The following TTC28 variants were observed in gnomAD, a reference collection of about 807,000 sequenced individuals.
TTC28 encodes tetratricopeptide repeat protein 28.
A neutral mutation model predicts 198.0 loss-of-function variants in TTC28; 61 were observed. The ratio of observed to expected loss-of-function variants is 0.31; its 90% CI spans 0.25 to 0.38. TTC28 has a LOEUF of 0.38. TTC28 is among the 10% of genes least tolerant of loss of function. The pLI is 1.00. For missense variants in TTC28, 2,678 were observed against 3,164.0 expected (o/e 0.85, Z 3.69); for synonymous variants, 1,171 against 1,297.8 (o/e 0.90, Z 2.10).
intron 6 of TTC28, among the ~76,000 whole-genome samples, chr22:28,160,728 A>G (rs2147046771): frequency 6.6e-6 from 1 of 152,358 alleles, no homozygotes. Flanking sequence ...GAGGAGTGGG[A>G]CAAGGGAAGA....
chr22:28,635,111 G>A (rs1271433369), intron 1 of TTC28, among the ~76,000 whole-genome samples: 1 of 152,092 alleles, frequency 6.6e-6, no homozygotes, highest in Non-Finnish European at 1.5e-5. Flanking sequence ...CACGAGGTCA[G>A]GAGATCGAGA....
At chr22:28,551,933 A>C (rs1489169067) in intron 2 of TTC28, among the ~76,000 whole-genome samples, 1 of 152,214 alleles carries the variant, frequency 6.6e-6, no homozygotes, top group Non-Finnish European at 1.5e-5. Flanking sequence ...GGAGGAAGTC[A>C]AACTGTCACT....
In TTC28 at chr22:27,981,936, G is replaced by A. The variant is rs1160483516; in HGVS notation, c.*285C>T. 2 of 350,030 alleles carry A rather than the reference G, an allele frequency of 5.7e-6. No homozygotes were observed. The highest frequency in any genetic ancestry group is 9.0e-5 in the East Asian group (2 of 22,282). 21.7% of individuals were successfully genotyped at this position (350,030 alleles called of 1,614,324 possible). The stretch of plus-strand genomic sequence containing the variant: ...CCTGGTGAAGAATCATATCAAAGAT[G>A]AGAAGCAGGGAGTTCAAAGGTAAAC... On this transcript the variant is annotated 3_prime_UTR_variant, in exon 23 of 23. Coordinates refer to ENST00000397906, the MANE Select transcript of TTC28 (RefSeq NM_001145418.2).
intron 2 of TTC28, among the ~76,000 whole-genome samples, chr22:28,321,945 C>A (rs1191096910): frequency 6.6e-6 from 1 of 152,140 alleles, no homozygotes; most frequent in African/African-American, 2.4e-5. Flanking sequence ...GATTCTCCTG[C>A]CTCAGCTTCC....
chr22:28,129,914 A>G (rs1943018200), intron 6 of TTC28, among the ~76,000 whole-genome samples: 1 of 151,836 alleles, frequency 6.6e-6, no homozygotes, highest in Non-Finnish European at 1.5e-5. Flanking sequence ...TTTCTAACAA[A>G]CTCCCAGGAG....
chr22:28,414,564 G>A, intron 2 of TTC28, among the ~76,000 whole-genome samples: 1 of 152,128 alleles, frequency 6.6e-6, no homozygotes, highest in East Asian at 1.9e-4. Context: ...GAGATGAAGT[G>A]GCAATGTAGA....
intron 5 of TTC28, among the ~76,000 whole-genome samples, chr22:28,244,289 C>T (rs1002773722): frequency 6.6e-6 from 1 of 152,098 alleles, no homozygotes; most frequent in African/African-American, 2.4e-5. Flanking sequence ...GGAGAGCAGC[C>T]ACTGCTTTAA....
intron 2 of TTC28, among the ~76,000 whole-genome samples, chr22:28,322,379 T>G (rs1338802248): frequency 6.6e-6 from 1 of 152,204 alleles, no homozygotes; most frequent in Non-Finnish European, 1.5e-5. Flanking sequence ...AAAGTTTCCC[T>G]GACACGTATT....
intron 2 of TTC28, among the ~76,000 whole-genome samples, chr22:28,360,559 AT>A (rs1047291884): frequency 2.6e-5 from 4 of 152,198 alleles, no homozygotes; most frequent in African/African-American, 9.7e-5. Context: ...GTACAACGGT[AT>A]CCTTCTCACT....
intron 2 of TTC28, among the ~76,000 whole-genome samples, chr22:28,627,639 C>T (rs1217735462): frequency 1.3e-5 from 2 of 151,948 alleles, no homozygotes; most frequent in African/African-American, 4.8e-5. Context: ...ACCACGTTGG[C>T]CAGGCTGGTC....
chr22:27,992,481 G>GTGAGACTGCAT (rs1937451967), intron 19 of TTC28, 106 bp downstream of exon 19: 2 of 1,157,080 alleles, frequency 1.7e-6, no homozygotes, highest in Non-Finnish European at 2.4e-6. Flanking sequence ...CACAAAGGCG[G>GTGAGACTGCAT]TGAGACTGCA....
chr22:28,130,513 T>C (rs1943037396), intron 6 of TTC28, among the ~76,000 whole-genome samples: 1 of 152,256 alleles, frequency 6.6e-6, no homozygotes, highest in African/African-American at 2.4e-5. Context: ...AGAATGATAG[T>C]GACATTTTGT....
intron 5 of TTC28, among the ~76,000 whole-genome samples, chr22:28,215,897 A>G (rs1927355889): frequency 6.6e-6 from 1 of 152,186 alleles, no homozygotes; most frequent in Non-Finnish European, 1.5e-5. Flanking sequence ...GAAATCAGAG[A>G]GAAAAAAGCC....
Position 27,980,730 on chromosome 22 carries a change from T to C in TTC28, c.*1491A>G, listed in dbSNP as rs1027516844. The C allele has an allele frequency of 6.8e-6, 1 of 147,910 alleles. No homozygotes were observed. The highest frequency in any genetic ancestry group is 2.5e-5 in the African/African-American group (1 of 39,520). The allele number at this position is 147,910 out of a possible 1,614,324, so 9.2% of individuals were successfully genotyped here. ...GAATTACCTAAAAGATACTTACTTA[T>C]CTAAATTCTCCAACTAAACTCAGTA... On this transcript the variant is annotated 3_prime_UTR_variant, in exon 23 of 23. Transcript: ENST00000397906.
intron 1 of TTC28, among the ~76,000 whole-genome samples, chr22:28,671,145 A>G (rs1212301408): frequency 2.6e-5 from 4 of 151,822 alleles, no homozygotes; most frequent in African/African-American, 9.7e-5. Flanking sequence ...AGGTGTTACT[A>G]TGTTGCCCAG....
intron 12 of TTC28, among the ~76,000 whole-genome samples, chr22:28,048,010 G>A (rs1939935805): frequency 6.6e-6 from 1 of 152,058 alleles, no homozygotes; most frequent in Non-Finnish European, 1.5e-5. Context: ...CTCAAAATGA[G>A]GCCCTGCACT....
At chr22:28,192,452 G>T (rs968791032) in intron 5 of TTC28, among the ~76,000 whole-genome samples, 1 of 152,152 alleles carries the variant, frequency 6.6e-6, no homozygotes, top group Non-Finnish European at 1.5e-5. Context: ...TGACTTTGAC[G>T]AGTTGAGAGA....
At chr22:28,400,400 G>A (rs535049172) in intron 2 of TTC28, among the ~76,000 whole-genome samples, 5 of 152,154 alleles carry the variant, frequency 3.3e-5, no homozygotes, top group African/African-American at 1.2e-4. Context: ...CTTTGAAAAG[G>A]CACATATTCT....
chr22:28,444,913 C>A (rs1730958027), intron 2 of TTC28, among the ~76,000 whole-genome samples: 1 of 152,200 alleles, frequency 6.6e-6, no homozygotes, highest in Admixed American at 6.5e-5. Context: ...ACAAGTAACT[C>A]CAATACTCTG....
Sources: gnomAD v4.1 joint callset for allele counts (sites outside exome capture counted in the v4.1 genomes callset) on GRCh38, gnomAD v4.1.1 for gene constraint, MANE v1.5 for transcripts, NCBI Gene and HGNC (gene_info 2026-07-23, HGNC 2026-07-21) for gene names.